Variants in BBS5 observed in about 807,000 individuals in gnomAD.
The protein encoded by BBS5 is BBSome complex member BBS5.
A neutral mutation model predicts 50.2 loss-of-function variants in BBS5; 39 were observed. The observed-to-expected ratio is 0.78, with a 90% confidence interval of 0.60 to 1.01. The LOEUF (loss-of-function observed/expected upper bound fraction) is 1.01, where lower values mean the gene tolerates loss of function less well. BBS5 is among the 50% of genes least tolerant of loss of function. The pLI is 0.00. For missense variants in BBS5, 356 were observed against 401.5 expected (o/e 0.89, Z 0.97); for synonymous variants, 134 against 133.1 (o/e 1.01, Z -0.05).
At chr2:169,487,517 T>C (rs889928427) in intron 3 of BBS5, among the ~76,000 whole-genome samples, 12 of 152,076 alleles carry the variant, frequency 7.9e-5, no homozygotes, top group African/African-American at 2.7e-4. Context: ...TTGTTCTTTT[T>C]TAGTAGTAGT....
In BBS5 at chr2:169,487,149, T is replaced by C. The variant is rs1019098515; in HGVS notation, c.208+15T>C. 17 of 1,585,190 alleles carry C rather than the reference T, an allele frequency of 1.1e-5. No individual in the cohort carries two copies. The African/African-American group carries it at 2.0e-4, about 19-fold the overall frequency. ...AGTCAATGTTTGTAAGTATCTTTGT[T>C]AGATAAGTCTGAAGAAAAAAAATCC... On this transcript the variant is annotated intron_variant, in intron 3 of 11. Transcript: ENST00000295240.
chr2:169,492,897 A>G lies in BBS5; in HGVS notation c.410A>G (p.Tyr137Cys), dbSNP rs1277913439. 6.2e-7 allele frequency: 1 copy of G among 1,612,348 alleles called. No individual in the cohort carries two copies. The highest frequency in any genetic ancestry group is 2.2e-5 in the East Asian group (1 of 44,762). The change falls in exon 6 of 12, where the codon TAT becomes TGT. Residue 137 changes from tyrosine (Y) to cysteine (C), a missense_variant. By Grantham distance (194) the Tyr-to-Cys change is radical. Transcript: ENST00000295240. ...VHRAYETSKM[Y>C]RDFKLRSALI... ...AGAGCTTATGAAACTTCTAAAATGT[A>G]TCGTGATTTTAAATTAAGAAGTGCA...
chr2:169,482,244 A>T lies in BBS5; in HGVS notation c.60-7A>T. 6.3e-7 allele frequency: 1 copy of T among 1,589,768 alleles called. No homozygotes were observed. The highest frequency in any genetic ancestry group is 1.1e-5 in the South Asian group (1 of 90,604). ...CTATAAAATTCAAACCTTTATATTCACTTTAGGCAAATGAAAACAAGACCT... is the reference window on the plus strand; with the variant it reads ...CTATAAAATTCAAACCTTTATATTCTCTTTAGGCAAATGAAAACAAGACCT... On this transcript the variant is annotated splice_polypyrimidine_tract_variant and splice_region_variant and intron_variant, in intron 1 of 11. Transcript: ENST00000295240.
intron 8 of BBS5, among the ~76,000 whole-genome samples, chr2:169,498,097 A>T (rs916344877): frequency 6.6e-6 from 1 of 152,184 alleles, no homozygotes; most frequent in African/African-American, 2.4e-5. Flanking sequence ...CTAAGTTTTG[A>T]TCTCAAGTCT....
intron 2 of BBS5, among the ~76,000 whole-genome samples, chr2:169,486,591 G>A (rs1284780386): frequency 2.0e-5 from 3 of 152,180 alleles, no homozygotes; most frequent in African/African-American, 7.2e-5. Flanking sequence ...CAGCAAAATT[G>A]TGTGTATAAA....
intron 5 of BBS5, among the ~76,000 whole-genome samples, chr2:169,491,462 A>G (rs1285208401): frequency 8.5e-5 from 13 of 152,234 alleles, no homozygotes; most frequent in Admixed American, 8.5e-4. Context: ...AAGTTCAACA[A>G]TGAATATATG....
At chr2:169,501,759 A>G (rs1173225120) in intron 9 of BBS5, among the ~76,000 whole-genome samples, 1 of 152,196 alleles carries the variant, frequency 6.6e-6, no homozygotes, top group Non-Finnish European at 1.5e-5. Flanking sequence ...TTAAAAAAAT[A>G]AAAGAGAAAA....
intron 9 of BBS5, 39 bp downstream of exon 9, chr2:169,499,659 T>A: frequency 6.3e-7 from 1 of 1,599,160 alleles, no homozygotes; most frequent in Non-Finnish European, 8.6e-7. Flanking sequence ...TTGCATTGCT[T>A]TATGCAGTCT....
intron 6 of BBS5, 74 bp from the exon 7 acceptor site, chr2:169,493,667 T>A: frequency 9.7e-7 from 1 of 1,034,068 alleles, no homozygotes; most frequent in Non-Finnish European, 1.5e-6. Flanking sequence ...TAATAAGTTA[T>A]TCTGGTGATT....
rs1198590358 is a variant in BBS5, at chr2:169,504,858, C to T, written c.*276C>T. 3.1e-6 allele frequency: 5 copies of T among 1,610,928 alleles called. No homozygotes were observed. Among genetic ancestry groups the T allele is most frequent in the Admixed American group, 1.7e-5 (1 of 59,770 alleles). ...GGTAGCTGGATTCCTCAGGCCCGGG[C>T]GCTCCTACAGCAGTGCCTGCACGCC... On this transcript the variant is annotated 3_prime_UTR_variant, in exon 12 of 12. Coordinates refer to ENST00000295240, the MANE Select transcript of BBS5 (RefSeq NM_152384.3).
chr2:169,484,883 G>A (rs1404716282), intron 2 of BBS5, among the ~76,000 whole-genome samples: 2 of 152,186 alleles, frequency 1.3e-5, no homozygotes, highest in African/African-American at 4.8e-5. Context: ...GTAGAAACAG[G>A]GACAACTATA....
intron 6 of BBS5, among the ~76,000 whole-genome samples, chr2:169,493,312 A>G (rs1004002253): frequency 1.3e-5 from 2 of 152,202 alleles, no homozygotes; most frequent in Non-Finnish European, 2.9e-5. Context: ...TATAAAGAAT[A>G]CAATCTAATG....
At chr2:169,485,082 C>G (rs1400325898) in intron 2 of BBS5, among the ~76,000 whole-genome samples, 1 of 152,124 alleles carries the variant, frequency 6.6e-6, no homozygotes, top group Non-Finnish European at 1.5e-5. Flanking sequence ...CCTTCCCACT[C>G]CATAATTTCT....
At position 169,504,576 on chromosome 2, in the gene BBS5, G is replaced by C; in HGVS notation, c.1020G>C (p.Met340Ile). Residue 340 changes from methionine (M) to isoleucine (I), a missense_variant, in exon 12 of 12, where the codon ATG becomes ATC. Transcript: ENST00000295240. ...GFTLQGLWEV[M>I]S is the part of the protein sequence containing the mutation. ...CCCTACAGGGACTTTGGGAAGTAATGAGTTGATTGACCTTGAGTTGAGATG... is the reference window on the plus strand; with the variant it reads ...CCCTACAGGGACTTTGGGAAGTAATCAGTTGATTGACCTTGAGTTGAGATG... 6.2e-7 allele frequency: 1 copy of C among 1,606,954 alleles called. No homozygotes were observed.
intron 9 of BBS5, 64 bp downstream of exon 9, chr2:169,499,684 T>C (rs1052241381): frequency 6.1e-6 from 9 of 1,480,378 alleles, no homozygotes; most frequent in Non-Finnish European, 8.5e-6. Flanking sequence ...AATTCAGATG[T>C]AGATACCACT....
chr2:169,505,079 C>T lies in BBS5; in HGVS notation c.*497C>T, dbSNP rs903628735. 5.6e-6 allele frequency: 7 copies of T among 1,247,304 alleles called. No individual in the cohort carries two copies. Among genetic ancestry groups the T allele is most frequent in the Admixed American group, 1.7e-5 (1 of 58,292 alleles). 77.3% of individuals were successfully genotyped at this position (1,247,304 alleles called of 1,614,324 possible). ...GCCTGATTCTCCTGCCTCAGCCTGC[C>T]GAGTGCCTGCGATTACAGGCGCGCG... On this transcript the variant is annotated 3_prime_UTR_variant, in exon 12 of 12. Coordinates refer to ENST00000295240, the MANE Select transcript of BBS5 (RefSeq NM_152384.3).
intron 5 of BBS5, among the ~76,000 whole-genome samples, chr2:169,491,176 T>C (rs1324625027): frequency 1.3e-5 from 2 of 152,212 alleles, no homozygotes; most frequent in Non-Finnish European, 2.9e-5. Flanking sequence ...CTTGGGCATA[T>C]ACCTAAACCT....
At chr2:169,493,918 G>A in intron 7 of BBS5, 82 bp downstream of exon 7, 1 of 888,052 alleles carries the variant, frequency 1.1e-6, no homozygotes, top group African/African-American at 1.7e-5. Flanking sequence ...TTTTAGATGA[G>A]TTCTTTCTCC....
Position 169,479,526 on chromosome 2 carries a change from A to C in BBS5, c.-28A>C, listed in dbSNP as rs1014028639. ...CGCAGCTAGGCCTGCACGGCTGTGG[A>C]GAGATCCTGCCACGGGCCTTGTTCA... On this transcript the variant is annotated 5_prime_UTR_variant, in exon 1 of 12. Transcript: ENST00000295240. The C allele has an allele frequency of 6.2e-7, 1 of 1,613,742 alleles. No homozygotes were observed. Among genetic ancestry groups the C allele is most frequent in the Non-Finnish European group, 8.5e-7 (1 of 1,179,676 alleles).
Sources: gnomAD v4.1 joint callset for allele counts (sites outside exome capture counted in the v4.1 genomes callset) on GRCh38, gnomAD v4.1.1 for gene constraint, MANE v1.5 for transcripts, NCBI Gene and HGNC (gene_info 2026-07-23, HGNC 2026-07-21) for gene names.